ITGB3BP: variants seen among roughly 807,000 people sequenced by gnomAD.
ITGB3BP encodes centromere protein R.
In ITGB3BP, 27 loss-of-function variants were observed where a neutral mutation model predicts 29.1. The observed-to-expected ratio is 0.93, with a 90% confidence interval of 0.68 to 1.28. ITGB3BP has a LOEUF of 1.28. ITGB3BP is among the 50% of genes most tolerant of loss of function. ITGB3BP has a pLI of 0.00. For missense variants in ITGB3BP, 192 were observed against 200.2 expected (o/e 0.96, Z 0.25); for synonymous variants, 61 against 61.4 (o/e 0.99, Z 0.03).
intron 8 of ITGB3BP, among the ~76,000 whole-genome samples, chr1:63,443,518 G>A (rs967513665): frequency 6.6e-6 from 1 of 152,172 alleles, no homozygotes; most frequent in African/African-American, 2.4e-5. Flanking sequence ...AAGGTAAGCT[G>A]TGGGCAGATC....
At chr1:63,447,627 G>T in intron 7 of ITGB3BP, 1 of 492,836 alleles carries the variant, frequency 2.0e-6, no homozygotes, top group Non-Finnish European at 4.1e-6. Context: ...TAAAGGATGA[G>T]CAGGAGTTTG....
At chr1:63,447,053 C>T in intron 7 of ITGB3BP, 197 bp from the exon 8 acceptor site, 6 of 547,210 alleles carry the variant, frequency 1.1e-5, no homozygotes, top group Non-Finnish European at 2.0e-5. Context: ...TCAGAATATA[C>T]ATTTTCAAAT....
intron 1 of ITGB3BP, among the ~76,000 whole-genome samples, chr1:63,521,101 A>T (rs1185324429): frequency 6.6e-6 from 1 of 152,134 alleles, no homozygotes; most frequent in African/African-American, 2.4e-5. Context: ...AAAAAGATAG[A>T]TCACACCCTC....
chr1:63,447,818 C>T (rs1355029870), intron 7 of ITGB3BP: 1 of 345,648 alleles, frequency 2.9e-6, no homozygotes, highest in Non-Finnish European at 5.8e-6. Flanking sequence ...ACCCAGCCAT[C>T]CCATTACTGG....
At chr1:63,523,233 G>C (rs17125090), upstream of ITGB3BP, 8 of 1,534,608 alleles carry the variant, frequency 5.2e-6, no homozygotes, top group Middle Eastern at 2.3e-4. Context: ...CATGAAAAGC[G>C]CGCGCTGGAC....
At chr1:63,513,993 T>C (rs1464194802) in intron 1 of ITGB3BP, among the ~76,000 whole-genome samples, 2 of 152,186 alleles carry the variant, frequency 1.3e-5, no homozygotes, top group African/African-American at 2.4e-5. Flanking sequence ...CATATCAAGA[T>C]ATGGAATATT....
At chr1:63,519,606 C>T (rs1033577610) in intron 1 of ITGB3BP, among the ~76,000 whole-genome samples, 1 of 151,990 alleles carries the variant, frequency 6.6e-6, no homozygotes, top group Non-Finnish European at 1.5e-5. Context: ...ATGCAGGACA[C>T]TTTATTTATA....
At position 63,449,621 on chromosome 1, in the gene ITGB3BP, T is replaced by C. The variant is rs1644835731; in HGVS notation, c.485-2765A>G. The C allele has an allele frequency of 2.0e-5, 3 of 153,532 alleles. No homozygotes were observed. In the South Asian group the frequency reaches 6.1e-4, roughly 31 times the overall value. The allele number at this position is 153,532 out of a possible 1,614,324, so 9.5% of individuals were successfully genotyped here. A position where few individuals can be genotyped will look rare whatever the true frequency, so the allele number is the denominator to read the frequency against. The stretch of plus-strand genomic sequence containing the variant: ...GGTTATGATTCACATATGGCATACA[T>C]GATAGCTGAATCATTATAAAGAGCT... On this transcript the variant is annotated intron_variant, in intron 7 of 8. Transcript: ENST00000271002.
chr1:63,479,836 A>C (rs1645406724), intron 3 of ITGB3BP, among the ~76,000 whole-genome samples: 1 of 152,088 alleles, frequency 6.6e-6, no homozygotes, highest in African/African-American at 2.4e-5. Flanking sequence ...TTCTTTATCC[A>C]TTCATGTGTT....
At chr1:63,491,952 C>T (rs1378030179) in intron 2 of ITGB3BP, among the ~76,000 whole-genome samples, 1 of 151,926 alleles carries the variant, frequency 6.6e-6, no homozygotes, top group Non-Finnish European at 1.5e-5. Flanking sequence ...GACATTTATC[C>T]AATCCCTACT....
chr1:63,455,097 A>G (rs542171612), intron 4 of ITGB3BP, 129 bp from the exon 5 acceptor site: 73 of 560,818 alleles, frequency 1.3e-4, no homozygotes, highest in Middle Eastern at 9.4e-4. Context: ...AACACAATAT[A>G]TATTATCAAC....
chr1:63,486,879 G>A (rs1376457669), intron 3 of ITGB3BP, among the ~76,000 whole-genome samples: 1 of 152,016 alleles, frequency 6.6e-6, no homozygotes, highest in Non-Finnish European at 1.5e-5. Context: ...AGCATCACAT[G>A]GTCAAGCAGA....
intron 2 of ITGB3BP, among the ~76,000 whole-genome samples, chr1:63,507,589 C>A (rs548933793): frequency 6.6e-6 from 1 of 152,308 alleles, no homozygotes; most frequent in East Asian, 1.9e-4. Context: ...GCATTCTGCA[C>A]AGAACAAGTT....
upstream of ITGB3BP, chr1:63,525,537 A>C (rs775096790): frequency 7.0e-7 from 1 of 1,422,130 alleles, no homozygotes; most frequent in Non-Finnish European, 9.2e-7. Flanking sequence ...AGTGACTCAC[A>C]TTGACAAACA....
At position 63,454,228 on chromosome 1, in the gene ITGB3BP, A is replaced by G. The variant is rs1644901207; in HGVS notation, c.427+152T>C. ...ATCCCCAAAATAACACATCCTGATA[A>G]AAGACATGTGGCTTCTTATTTAAAG... is the stretch of plus-strand genomic sequence containing the variant. On this transcript the variant is annotated intron_variant, in intron 6 of 8. Transcript: ENST00000271002. This position sits in a 1 kb window ranked among gnomAD's most constrained non-coding sequence, Gnocchi z 4.1. 2 of 500,156 alleles carry G rather than the reference A, an allele frequency of 4.0e-6. No homozygotes were observed. The highest frequency in any genetic ancestry group is 6.3e-5 in the East Asian group (2 of 31,590). 31.0% of individuals were successfully genotyped at this position (500,156 alleles called of 1,614,324 possible).
At chr1:63,497,785 C>T (rs1645825738) in intron 2 of ITGB3BP, among the ~76,000 whole-genome samples, 1 of 152,180 alleles carries the variant, frequency 6.6e-6, no homozygotes, top group Non-Finnish European at 1.5e-5. Context: ...GATCCCTTCC[C>T]CGTCTTCCTG....
intron 4 of ITGB3BP, among the ~76,000 whole-genome samples, chr1:63,468,896 A>AATAC (rs1645145907): frequency 7.6e-6 from 1 of 131,992 alleles, no homozygotes; most frequent in African/African-American, 2.6e-5. Flanking sequence ...TAAATAAATA[A>AATAC]ATAAATAAGG....
chr1:63,514,161 T>C (rs912495792), intron 1 of ITGB3BP, among the ~76,000 whole-genome samples: 1 of 152,238 alleles, frequency 6.6e-6, no homozygotes, highest in Non-Finnish European at 1.5e-5. Context: ...CTATTTTCTC[T>C]GCTCAGCATA....
At chr1:63,493,916 G>C (rs1645724458) in intron 2 of ITGB3BP, among the ~76,000 whole-genome samples, 1 of 152,182 alleles carries the variant, frequency 6.6e-6, no homozygotes, top group Admixed American at 6.5e-5. Context: ...AGATACTGTA[G>C]TGTCTGGTCA....
Sources: allele counts gnomAD v4.1 joint callset (sites outside exome capture counted in the v4.1 genomes callset), GRCh38; gene constraint gnomAD v4.1.1; non-coding constraint Gnocchi (gnomAD v3.1); transcripts MANE v1.5; gene names NCBI Gene and HGNC (gene_info 2026-07-23, HGNC 2026-07-21).